Variants in ADCK1 observed in about 807,000 individuals in gnomAD.
ADCK1 encodes the protein aarF domain containing kinase 1.
ADCK1 carries 41 observed loss-of-function variants against 52.3 expected under a neutral mutation model. The ratio of observed to expected loss-of-function variants is 0.78; its 90% confidence interval spans 0.61 to 1.02. ADCK1 has a LOEUF of 1.02. Ranked by LOEUF, ADCK1 falls within the 50% of genes least tolerant of loss-of-function variation. The pLI is 0.00. For missense variants in ADCK1, 658 were observed against 679.5 expected (o/e 0.97, Z 0.35); for synonymous variants, 250 against 274.6 (o/e 0.91, Z 0.89).
chr14:77,928,364 A>G (rs1179064632), intron 9 of ADCK1, among the ~76,000 whole-genome samples: 1 of 152,208 alleles, frequency 6.6e-6, no homozygotes, highest in Non-Finnish European at 1.5e-5. Context: ...TCTTCAGGGT[A>G]AGGTGATATT....
At chr14:77,905,497 C>G (rs1017171913) in intron 6 of ADCK1, among the ~76,000 whole-genome samples, 2 of 151,808 alleles carry the variant, frequency 1.3e-5, no homozygotes, top group African/African-American at 4.8e-5. Flanking sequence ...CTGCGCCCAG[C>G]CCCTCGCTGT....
chr14:77,860,006 T>C (rs1057379947), intron 4 of ADCK1, among the ~76,000 whole-genome samples: 10 of 152,182 alleles, frequency 6.6e-5, no homozygotes, highest in African/African-American at 2.4e-4. Context: ...CATTCTCTAC[T>C]TGTCAAGTGA....
Position 77,925,847 on chromosome 14 carries a change from C to T in ADCK1, c.1092C>T (p.Tyr364=), listed in dbSNP as rs1351676840. The T allele has an allele frequency of 7.4e-6, 12 of 1,614,070 alleles. No homozygotes were observed. The highest frequency in any genetic ancestry group is 9.3e-6 in the Non-Finnish European group (11 of 1,180,036). ...IWTDMKRVKE[Y]SQRLGAGDLY... The stretch of plus-strand genomic sequence containing the variant: ...CTGACATGAAGAGAGTGAAGGAGTA[C>T]AGCCAGCGACTGGGAGCCGGGGATC... Residue 364 remains tyrosine (Y), a synonymous_variant, in exon 9 of 11, where the codon TAC becomes TAT. Coordinates refer to ENST00000238561, the MANE Select transcript of ADCK1 (RefSeq NM_020421.4).
At chr14:77,886,936 AC>A (rs1566702026) in intron 4 of ADCK1, among the ~76,000 whole-genome samples, 154 bp from the exon 5 acceptor site, 3,896 of 119,596 alleles carry the variant, frequency 0.033, 174 homozygotes, top group African/African-American at 0.12. Flanking sequence ...ACACACACAC[AC>A]ACACGCACAA....
At chr14:77,848,745 G>A (rs10141721) in intron 3 of ADCK1, among the ~76,000 whole-genome samples, 9,341 of 151,952 alleles carry the variant, frequency 0.061, 346 homozygotes, top group Middle Eastern at 0.12. Flanking sequence ...GGATTACAAA[G>A]ACATGAGTCA....
At chr14:77,826,152 T>A (rs1318154003) in intron 3 of ADCK1, among the ~76,000 whole-genome samples, 1 of 152,178 alleles carries the variant, frequency 6.6e-6, no homozygotes, top group Admixed American at 6.6e-5. Flanking sequence ...TGGCACCAGA[T>A]AACAGGGTGT....
chr14:77,932,611 C>T (rs1229753980), intron 10 of ADCK1, among the ~76,000 whole-genome samples: 1 of 152,150 alleles, frequency 6.6e-6, no homozygotes, highest in Non-Finnish European at 1.5e-5. Context: ...ACGTATATCA[C>T]GTACCCACTA....
chr14:77,882,123 A>G (rs936848396), intron 4 of ADCK1, among the ~76,000 whole-genome samples: 9 of 140,202 alleles, frequency 6.4e-5, no homozygotes, highest in African/African-American at 2.1e-4. Context: ...AGCTGGAGTT[A>G]TTGTGTCTGC....
intron 5 of ADCK1, among the ~76,000 whole-genome samples, chr14:77,896,447 C>T (rs183390896): frequency 2.1e-4 from 32 of 152,346 alleles, no homozygotes; most frequent in African/African-American, 7.2e-4. Context: ...CCCTCTCGGG[C>T]GAGACCCTCT....
chr14:77,860,935 T>A (rs2082531185), intron 4 of ADCK1, among the ~76,000 whole-genome samples: 1 of 152,108 alleles, frequency 6.6e-6, no homozygotes, highest in Non-Finnish European at 1.5e-5. Flanking sequence ...TCTGGAGAGC[T>A]GGGGAGGGAG....
At chr14:77,824,352 A>G (rs543376408) in intron 3 of ADCK1, among the ~76,000 whole-genome samples, 1 of 152,194 alleles carries the variant, frequency 6.6e-6, no homozygotes, top group East Asian at 1.9e-4. Context: ...AAAACTGACA[A>G]TTCCTTAATA....
chr14:77,874,432 A>G (rs2082853552), intron 4 of ADCK1, among the ~76,000 whole-genome samples: 1 of 152,114 alleles, frequency 6.6e-6, no homozygotes, highest in Non-Finnish European at 1.5e-5. Context: ...CAAGAGGAGA[A>G]TGTACAGAAA....
chr14:77,925,545 T>C (rs1230291040), intron 8 of ADCK1, among the ~76,000 whole-genome samples: 1 of 152,206 alleles, frequency 6.6e-6, no homozygotes, highest in Non-Finnish European at 1.5e-5. Flanking sequence ...GTAGACTTGG[T>C]TGGGCAGTTA....
At chr14:77,921,326 CAAAAAAAAAA>C (rs756056466) in intron 7 of ADCK1, among the ~76,000 whole-genome samples, 1 of 41,208 alleles carries the variant, frequency 2.4e-5, no homozygotes, top group East Asian at 1.9e-3. Flanking sequence ...GACTCTGTCT[CAAAAAAAAAA>C]AAAAAAAAAA....
intron 3 of ADCK1, among the ~76,000 whole-genome samples, chr14:77,845,324 C>T (rs1485050610): frequency 6.6e-6 from 1 of 152,188 alleles, no homozygotes; most frequent in Non-Finnish European, 1.5e-5. Flanking sequence ...ATTATGCCTA[C>T]CATAAATGAG....
chr14:77,924,847 A>C (rs2084150624), intron 8 of ADCK1, among the ~76,000 whole-genome samples: 1 of 152,260 alleles, frequency 6.6e-6, no homozygotes, highest in Non-Finnish European at 1.5e-5. Flanking sequence ...GAGTAGATGG[A>C]AATAGGCTTG....
intron 1 of ADCK1, among the ~76,000 whole-genome samples, chr14:77,806,004 T>G (rs1351343362): frequency 6.9e-6 from 1 of 144,900 alleles, no homozygotes; most frequent in African/African-American, 2.7e-5. Flanking sequence ...TTTTTTTTTT[T>G]TTTTTTAAAG....
chr14:77,816,236 A>T (rs916258210), intron 1 of ADCK1, among the ~76,000 whole-genome samples: 1 of 152,058 alleles, frequency 6.6e-6, no homozygotes, highest in African/African-American at 2.4e-5. Context: ...ATAAAAAAGG[A>T]CTATTGTGGT....
At chr14:77,836,076 G>T (rs1367771068) in intron 3 of ADCK1, among the ~76,000 whole-genome samples, 1 of 152,186 alleles carries the variant, frequency 6.6e-6, no homozygotes, top group Non-Finnish European at 1.5e-5. Flanking sequence ...CTGCCCTCAT[G>T]AATGGAATAA....
Sources: gnomAD v4.1 joint callset for allele counts (sites outside exome capture counted in the v4.1 genomes callset) on GRCh38, gnomAD v4.1.1 for gene constraint, MANE v1.5 for transcripts, NCBI Gene and HGNC (gene_info 2026-07-23, HGNC 2026-07-21) for gene names.